Variants in KDM5B observed in about 807,000 individuals in gnomAD.
KDM5B encodes the protein lysine demethylase 5B.
Under a neutral mutation model 193.4 loss-of-function variants are expected in KDM5B, and 144 were observed. That is an observed-to-expected ratio of 0.74 (90% CI 0.65 to 0.86). KDM5B has a LOEUF of 0.86. Among genes scored for constraint, KDM5B ranks in the 40% least tolerant of loss-of-function variants. KDM5B has a pLI of 0.00. For synonymous variants in KDM5B, 668 were observed against 682.6 expected, an observed-to-expected ratio of 0.98 and a Z score of 0.33; for missense variants, 1,833 against 1,886.9, an observed-to-expected ratio of 0.97 and a Z score of 0.53.
At chr1:202,739,985 T>C (rs1655244985) in intron 20 of KDM5B, among the ~76,000 whole-genome samples, 1 of 152,246 alleles carries the variant, frequency 6.6e-6, no homozygotes, top group African/African-American at 2.4e-5. Flanking sequence ...CAATGAGCTG[T>C]TGGGTACACC....
At chr1:202,787,829 G>T (rs1257415345) in intron 1 of KDM5B, among the ~76,000 whole-genome samples, 3 of 151,826 alleles carry the variant, frequency 2.0e-5, no homozygotes, top group African/African-American at 7.3e-5. Flanking sequence ...GGTGGAGGTT[G>T]CAGTGAGCCA....
intron 20 of KDM5B, among the ~76,000 whole-genome samples, chr1:202,740,468 A>C (rs574971503): frequency 7.4e-5 from 5 of 67,452 alleles, no homozygotes; most frequent in Non-Finnish European, 9.7e-5. Context: ...TGACCCCCTC[A>C]CCTCCCTCCC....
At chr1:202,774,770 A>G in intron 2 of KDM5B, 35 bp from the exon 3 acceptor site, 1 of 1,599,396 alleles carries the variant, frequency 6.3e-7, no homozygotes, top group Non-Finnish European at 8.5e-7. Context: ...CATCTCATTT[A>G]GCTTATTTTA....
chr1:202,729,284 A>AGTGGTGGG, intron 26 of KDM5B, 111 bp from the exon 27 acceptor site: 8 of 1,147,162 alleles, frequency 7.0e-6, no homozygotes, highest in Middle Eastern at 2.9e-4. Context: ...CCACTGTCCC[A>AGTGGTGGG]CCACTGGGAC....
intron 17 of KDM5B, 23 bp downstream of exon 17, chr1:202,742,632 C>A: frequency 1.9e-6 from 3 of 1,612,198 alleles, no homozygotes; most frequent in South Asian, 1.1e-5. Flanking sequence ...AGAATCCAAA[C>A]TCACGCAGTC....
chr1:202,750,894 G>C (rs1288533146), intron 12 of KDM5B, 116 bp from the exon 13 acceptor site: 2 of 1,090,734 alleles, frequency 1.8e-6, no homozygotes, highest in Middle Eastern at 2.2e-4. Flanking sequence ...TTCTGAAATT[G>C]AGCCAGAAAA....
chr1:202,751,158 G>C (rs1439376582), intron 12 of KDM5B, among the ~76,000 whole-genome samples: 1 of 151,948 alleles, frequency 6.6e-6, no homozygotes, highest in Non-Finnish European at 1.5e-5. Flanking sequence ...ATAACATACA[G>C]AGGTCCTCCT....
At position 202,773,255 on chromosome 1, in the gene KDM5B, AAAC is replaced by A; in HGVS notation, c.436_438del (p.Val146del). On this transcript the variant is annotated inframe_deletion, in exon 4 of 27. Coordinates refer to ENST00000367265, the MANE Select transcript of KDM5B (RefSeq NM_006618.5). ...ATTTTGGTCCATTTTCTATCCTTGC[AAAC>A]AACTGCAAATCCACCTTCTTCTGCA... 1 of 1,614,138 alleles carries A rather than the reference AAAC, an allele frequency of 6.2e-7. No homozygotes were observed. The highest frequency in any genetic ancestry group is 8.5e-7 in the Non-Finnish European group (1 of 1,180,006).
chr1:202,757,146 A>T (rs1656048051), intron 9 of KDM5B, among the ~76,000 whole-genome samples: 1 of 152,118 alleles, frequency 6.6e-6, no homozygotes, highest in Non-Finnish European at 1.5e-5. Context: ...GATCCTTTGC[A>T]TAGGCAGTTC....
At chr1:202,788,638 TCA>T (rs954980262) in intron 1 of KDM5B, among the ~76,000 whole-genome samples, 8 of 152,172 alleles carry the variant, frequency 5.3e-5, no homozygotes, top group Admixed American at 1.3e-4. Flanking sequence ...TTCATGTCAT[TCA>T]CAGACATTTT....
At chr1:202,808,079 TC>T (rs1450083745) in intron 1 of KDM5B, 22 bp downstream of exon 1, 1 of 1,604,264 alleles carries the variant, frequency 6.2e-7, no homozygotes, top group Non-Finnish European at 8.5e-7. Context: ...ACGAGCTGGA[TC>T]CGGGGTGCTG....
At chr1:202,800,688 G>C (rs866606091) in intron 1 of KDM5B, among the ~76,000 whole-genome samples, 1 of 152,094 alleles carries the variant, frequency 6.6e-6, no homozygotes, top group South Asian at 2.1e-4. Flanking sequence ...GCTCTGTTTT[G>C]TCAGGCTAAA....
At chr1:202,749,628 C>T (rs1369544392) in intron 13 of KDM5B, among the ~76,000 whole-genome samples, 1 of 149,878 alleles carries the variant, frequency 6.7e-6, no homozygotes, top group Non-Finnish European at 1.5e-5. Flanking sequence ...TCTTTGCATC[C>T]CAAAGATCTG....
Position 202,733,287 on chromosome 1 carries a change from G to A in KDM5B, c.3909+114C>T, listed in dbSNP as rs561414725. 3.3e-5 allele frequency: 40 copies of A among 1,215,298 alleles called. No individual in the cohort carries two copies. In the South Asian group the frequency reaches 5.0e-4, roughly 15 times the overall value. The allele number at this position is 1,215,298 out of a possible 1,614,324, so 75.3% of individuals were successfully genotyped here. A position where few individuals can be genotyped will look rare whatever the true frequency, so the allele number is the denominator to read the frequency against. On this transcript the variant is annotated intron_variant, in intron 23 of 26. Coordinates refer to ENST00000367265, the MANE Select transcript of KDM5B (RefSeq NM_006618.5). ...GGAAGCTACAGGTAAAGTGGGTGCTGTTAACAGTAAAGTGATCACACCAAG... is the reference window on the plus strand; with the variant it reads ...GGAAGCTACAGGTAAAGTGGGTGCTATTAACAGTAAAGTGATCACACCAAG...
At chr1:202,735,715 G>C in intron 21 of KDM5B, 128 bp from the exon 22 acceptor site, 2 of 808,246 alleles carry the variant, frequency 2.5e-6, no homozygotes. Flanking sequence ...ATTTTCTTTG[G>C]AACATGCAAC....
In KDM5B at chr1:202,757,056, T is replaced by C. The variant is rs115491086; in HGVS notation, c.1198-540A>G. Reference sequence around the variant, plus strand: ...GGATGGGTTTCATGGAAGGCAATTTTTCCATGGATGGGGAAGGGCAGGGCG... The same window carrying C: ...GGATGGGTTTCATGGAAGGCAATTTCTCCATGGATGGGGAAGGGCAGGGCG... On this transcript the variant is annotated intron_variant, in intron 9 of 26. Transcript: ENST00000367265. 4.5e-3 allele frequency among the ~76,000 whole-genome samples: 680 copies of C among 151,430 alleles called. 5 individuals are homozygous for C. Among genetic ancestry groups the C allele is most frequent in the African/African-American group, 0.016 (649 of 41,328 alleles).
intron 11 of KDM5B, 98 bp from the exon 12 acceptor site, chr1:202,753,165 G>A (rs139272281): frequency 3.4e-5 from 34 of 1,014,894 alleles, no homozygotes; most frequent in African/African-American, 1.3e-4. Context: ...GTAAGACTAC[G>A]CAAAAAAGGA....
At chr1:202,742,545 A>G (rs1655386921) in intron 17 of KDM5B, 40 bp from the exon 18 acceptor site, 2 of 1,601,884 alleles carry the variant, frequency 1.2e-6, no homozygotes, top group Non-Finnish European at 1.7e-6. Context: ...ATAAGAATAC[A>G]TACATGTCCA....
intron 1 of KDM5B, among the ~76,000 whole-genome samples, chr1:202,777,597 G>C (rs547264045): frequency 3.9e-5 from 6 of 151,988 alleles, no homozygotes; most frequent in South Asian, 4.2e-4. Flanking sequence ...GAGCTCAAGC[G>C]ATCTTCCACC....
Sources: gnomAD v4.1 joint callset for allele counts (sites outside exome capture counted in the v4.1 genomes callset) on GRCh38, gnomAD v4.1.1 for gene constraint, MANE v1.5 for transcripts, NCBI Gene and HGNC (gene_info 2026-07-23, HGNC 2026-07-21) for gene names.